CHRM3: variants seen among roughly 807,000 people sequenced by gnomAD.
CHRM3 encodes the protein cholinergic receptor muscarinic 3, also known as muscarinic acetylcholine receptor M3.
In CHRM3, 11 loss-of-function variants were observed where a neutral mutation model predicts 41.8. The ratio of observed to expected loss-of-function variants is 0.26; its 90% CI spans 0.17 to 0.44. The LOEUF is 0.44. CHRM3 is among the 20% of genes least tolerant of loss of function. The pLI is 1.00. For synonymous variants in CHRM3, 297 were observed against 301.4 expected, an observed-to-expected ratio of 0.99 and a Z score of 0.15; for missense variants, 571 against 745.4, an observed-to-expected ratio of 0.77 and a Z score of 2.72.
chr1:239,726,065 C>T (rs1663409333), intron 5 of CHRM3, among the ~76,000 whole-genome samples: 3 of 151,932 alleles, frequency 2.0e-5, no homozygotes, highest in Admixed American at 6.6e-5. Flanking sequence ...CAGCCATGCA[C>T]GTTCATTTAC....
intron 1 of CHRM3, among the ~76,000 whole-genome samples, chr1:239,453,197 G>T (rs997410922): frequency 2.0e-5 from 3 of 152,194 alleles, no homozygotes; most frequent in Non-Finnish European, 4.4e-5. Context: ...AGCTCAATAT[G>T]CTGTCGTGAT....
chr1:239,469,159 T>C (rs1315823635), intron 1 of CHRM3, among the ~76,000 whole-genome samples: 1 of 152,224 alleles, frequency 6.6e-6, no homozygotes, highest in African/African-American at 2.4e-5. Flanking sequence ...TCGGATCTAC[T>C]CCCCTGAAAT....
At chr1:239,607,728 G>T (rs540424228) in intron 3 of CHRM3, among the ~76,000 whole-genome samples, 1 of 151,790 alleles carries the variant, frequency 6.6e-6, no homozygotes, top group South Asian at 2.1e-4. Context: ...ATTAATTTTG[G>T]AATTTGTTAT....
intron 5 of CHRM3, among the ~76,000 whole-genome samples, chr1:239,767,426 C>T (rs1053803559): frequency 6.6e-6 from 1 of 152,186 alleles, no homozygotes; most frequent in East Asian, 1.9e-4. Flanking sequence ...CTTCCTATTC[C>T]TCTGTAAGTA....
rs1671058778 is a variant in CHRM3, at chr1:239,640,882, T to A, written c.-250+8596T>A. Among the ~76,000 whole-genome samples the A allele has an allele frequency of 2.0e-5, 3 of 149,008 alleles. No individual in the cohort carries two copies. The South Asian group carries it at 6.5e-4, about 33-fold the overall frequency. ...TAGGGTGTCAATTTTGGATCTTTCC[T>A]GCTTTCTCTTGTGGGCATTTAGTGC... On this transcript the variant is annotated intron_variant, in intron 4 of 6. Coordinates refer to ENST00000676153, the MANE Select transcript of CHRM3 (RefSeq NM_001375978.1).
rs191560391 is a variant in CHRM3 at position 239,774,611 on chromosome 1, G to A, written c.-146-52641G>A. ...CACATTTCATTAAATAAAATAATGA[G>A]TCTGAGAGATTGCATCATGTTTCAG... On this transcript the variant is annotated intron_variant, in intron 5 of 6. Transcript: ENST00000676153. 1.4e-3 allele frequency among the ~76,000 whole-genome samples: 206 copies of A among 152,252 alleles called. 1 individual carries two copies. The highest frequency in any genetic ancestry group is 4.6e-3 in the African/African-American group (192 of 41,552).
At chr1:239,823,734 A>G (rs1030053095) in intron 5 of CHRM3, among the ~76,000 whole-genome samples, 5 of 152,140 alleles carry the variant, frequency 3.3e-5, no homozygotes, top group African/African-American at 1.2e-4. Flanking sequence ...GGAAAGGCCA[A>G]AAAAGCGAAC....
At chr1:239,532,770 C>T (rs1469709720) in intron 2 of CHRM3, among the ~76,000 whole-genome samples, 2 of 151,640 alleles carry the variant, frequency 1.3e-5, no homozygotes, top group Non-Finnish European at 2.9e-5. Flanking sequence ...AGAAGAATAC[C>T]CTCTGGTGAA....
At chr1:239,532,235 T>C (rs2148337089) in intron 2 of CHRM3, among the ~76,000 whole-genome samples, 1 of 146,616 alleles carries the variant, frequency 6.8e-6, no homozygotes, top group Middle Eastern at 3.6e-3. Context: ...GTGGTCTCAA[T>C]CTCCTGACCT....
chr1:239,827,695 A>C (rs1415714513), intron 6 of CHRM3, among the ~76,000 whole-genome samples: 1 of 152,176 alleles, frequency 6.6e-6, no homozygotes, highest in East Asian at 1.9e-4. Flanking sequence ...AACCTAATAA[A>C]CATCATATAT....
chr1:239,884,043 C>A (rs139495063), intron 6 of CHRM3, among the ~76,000 whole-genome samples: 50 of 152,326 alleles, frequency 3.3e-4, no homozygotes, highest in African/African-American at 1.0e-3. Context: ...CAGTTCTGAT[C>A]TCAAGAGAAT....
intron 6 of CHRM3, among the ~76,000 whole-genome samples, chr1:239,883,260 A>G (rs1209077149): frequency 6.6e-6 from 1 of 152,216 alleles, no homozygotes; most frequent in Non-Finnish European, 1.5e-5. Flanking sequence ...TTTAGTGTTC[A>G]GGTTAAATGC....
chr1:239,637,867 C>T (rs1423337501), intron 4 of CHRM3, among the ~76,000 whole-genome samples: 1 of 149,322 alleles, frequency 6.7e-6, no homozygotes, highest in Non-Finnish European at 1.5e-5. Context: ...CACCCATTAA[C>T]TCGTCATTTA....
chr1:239,824,571 G>A (rs529925365), intron 5 of CHRM3, among the ~76,000 whole-genome samples: 3 of 152,218 alleles, frequency 2.0e-5, no homozygotes, highest in Non-Finnish European at 2.9e-5. Flanking sequence ...AAAACAATTC[G>A]CATATCTATA....
chr1:239,695,625 C>A (rs1488869685), intron 5 of CHRM3, among the ~76,000 whole-genome samples: 5 of 151,588 alleles, frequency 3.3e-5, no homozygotes, highest in Admixed American at 2.6e-4. Flanking sequence ...GATAAAAATG[C>A]AAAGTTATGC....
In CHRM3 at chr1:239,404,414, GAAAGAAAGAAAGAAAGAAAGAA is replaced by G. The variant is rs1660351371; in HGVS notation, c.-521+17189_-521+17210del. On this transcript the variant is annotated intron_variant, in intron 1 of 6. Coordinates refer to ENST00000676153, the MANE Select transcript of CHRM3 (RefSeq NM_001375978.1). ...AAAGAAAGAAAGAAAGAAAGAAAAA[GAAAGAAAGAAAGAAAGAAAGAA>G]AGAAAGAAAGAAAGAAAGAAAGAAA... Among the ~76,000 whole-genome samples, 22 of 51,226 alleles carry G rather than the reference GAAAGAAAGAAAGAAAGAAAGAA, an allele frequency of 4.3e-4. 1 individual carries two copies. The East Asian group carries it at 9.0e-3, about 21-fold the overall frequency. The allele number at this position is 51,226 out of a possible 152,430, so 33.6% of individuals were successfully genotyped here.
chr1:239,481,756 G>T (rs1666869180), intron 1 of CHRM3, among the ~76,000 whole-genome samples: 1 of 152,146 alleles, frequency 6.6e-6, no homozygotes, highest in Non-Finnish European at 1.5e-5. Flanking sequence ...TAGGGGCTGG[G>T]ATACAAGGTA....
intron 1 of CHRM3, among the ~76,000 whole-genome samples, chr1:239,454,132 G>T (rs921668617): frequency 6.6e-6 from 1 of 152,072 alleles, no homozygotes; most frequent in African/African-American, 2.4e-5. Context: ...TGTCCACCTC[G>T]AGCTAGTGGC....
intron 6 of CHRM3, among the ~76,000 whole-genome samples, chr1:239,881,238 C>CTG (rs1558205897): frequency 0.038 from 5,356 of 140,134 alleles, 374 homozygotes; most frequent in African/African-American, 0.13. Flanking sequence ...AGCCGAGATC[C>CTG]CGCCCCTGCA....
Sources: allele counts gnomAD v4.1 joint callset (sites outside exome capture counted in the v4.1 genomes callset), GRCh38; gene constraint gnomAD v4.1.1; transcripts MANE v1.5; gene names NCBI Gene and HGNC (gene_info 2026-07-23, HGNC 2026-07-21).